Variants in SEMA3G observed in about 807,000 individuals in gnomAD.
SEMA3G encodes the protein semaphorin-3G.
SEMA3G carries 70 observed loss-of-function variants against 86.2 expected under a neutral mutation model. The observed-to-expected ratio is 0.81, with a 90% CI of 0.67 to 0.99. The LOEUF is 0.99. Ranked by LOEUF, SEMA3G falls within the 50% of genes least tolerant of loss-of-function variation. The pLI, the probability that SEMA3G is intolerant of heterozygous loss-of-function variation, is 0.00. For synonymous variants in SEMA3G, 416 were observed against 441.4 expected (o/e 0.94, Z 0.72); for missense variants, 1,002 against 1,072.4 (o/e 0.93, Z 0.92).
At position 52,438,089 on chromosome 3, in the gene SEMA3G, A is replaced by G; in HGVS notation, c.1620T>C (p.Cys540=). 3 of 1,613,260 alleles carry G rather than the reference A, an allele frequency of 1.9e-6. No homozygotes were observed. The highest frequency in any genetic ancestry group is 2.5e-6 in the Non-Finnish European group (3 of 1,180,014). ...AECCLARDPY[C]AWDGASCTHY... ...GGGTACAGGAGGCACCATCCCAGGC[A>G]CAGTATGGGTCCCGGGCCAGGCAGC... The change falls in exon 14 of 16, where the codon TGT becomes TGC. Residue 540 remains cysteine (C), a synonymous_variant. Transcript: ENST00000231721.
rs1258092900 is a variant in SEMA3G at position 52,437,535 on chromosome 3, G to A, written c.1870C>T (p.Pro624Ser). ...WLLQRPGDEG[P>S]DQVKTDERVL... ...GGGGTCTCCTCACTCACCTGGTCAG[G>A]CCCCTCATCCCCTGGCCTCTGCAAG... The change falls in exon 15 of 16, where the codon CCT becomes TCT. Residue 624 changes from proline to serine, a missense_variant. By Grantham distance (74) the Pro-to-Ser change is moderately conservative. Transcript: ENST00000231721. 1.2e-6 allele frequency: 2 copies of A among 1,612,456 alleles called. No individual in the cohort carries two copies. Among genetic ancestry groups the A allele is most frequent in the African/African-American group, 1.3e-5 (1 of 74,992 alleles).
rs1706003161 is a variant in SEMA3G, at chr3:52,434,290, A to G, written c.*1313T>C. ...GCCTGAGAAACTGGTGATGGCAAAAACACCTCCCCTACATGCCCAGGCAGA... is the reference window on the plus strand; with the variant it reads ...GCCTGAGAAACTGGTGATGGCAAAAGCACCTCCCCTACATGCCCAGGCAGA... On this transcript the variant is annotated 3_prime_UTR_variant, in exon 16 of 16. Transcript: ENST00000231721. The surrounding 1 kb of genome is among the most constrained non-coding windows in gnomAD (Gnocchi z 5.2). The G allele has an allele frequency of 6.6e-6, 1 of 151,600 alleles. No individual in the cohort carries two copies. Among genetic ancestry groups the G allele is most frequent in the Admixed American group, 6.6e-5 (1 of 15,228 alleles). 9.4% of individuals were successfully genotyped at this position (151,600 alleles called of 1,614,324 possible). A position where few individuals can be genotyped will look rare whatever the true frequency, so the allele number is the denominator to read the frequency against.
chr3:52,440,152 T>C (rs183025158), intron 10 of SEMA3G, 54 bp from the exon 11 acceptor site: 2 of 1,409,580 alleles, frequency 1.4e-6, no homozygotes, highest in Non-Finnish European at 1.9e-6. Context: ...GCACACACCC[T>C]CCACCGCCAG....
chr3:52,444,438 CCAAACAGGGCACACGCACA>C (rs1399243670), intron 1 of SEMA3G, among the ~76,000 whole-genome samples: 16 of 151,864 alleles, frequency 1.1e-4, no homozygotes, highest in African/African-American at 2.2e-4. Flanking sequence ...CCCAAGCCAC[CCAAACAGGGCACACGCACA>C]CAAACAGGGC....
intron 11 of SEMA3G, 29 bp downstream of exon 11, chr3:52,439,838 G>C (rs776836733): frequency 1.9e-6 from 3 of 1,610,994 alleles, no homozygotes; most frequent in African/African-American, 1.3e-5. Context: ...CCCCTCTCCA[G>C]CCTGGCCACC....
chr3:52,441,238 C>A (rs781083882), intron 7 of SEMA3G, 26 bp downstream of exon 7: 17 of 1,607,548 alleles, frequency 1.1e-5, no homozygotes, highest in East Asian at 6.7e-5. Context: ...GGGACTTGAA[C>A]CTCACCACCC....
In SEMA3G at chr3:52,440,991, T is replaced by C. The variant is rs759664012; in HGVS notation, c.871A>G (p.Arg291Gly). ...VNKWSTFLKARLVCSVPGPGG... is the reference protein window; with the variant it reads ...VNKWSTFLKAGLVCSVPGPGG... ...GGGCCGGGCACCGAGCAGACCAGCCTGGCCTTGAGGAAAGTGCTCCATTTG... is the reference window on the plus strand; with the variant it reads ...GGGCCGGGCACCGAGCAGACCAGCCCGGCCTTGAGGAAAGTGCTCCATTTG... The change falls in exon 8 of 16, where the codon AGG becomes GGG. Residue 291 changes from arginine to glycine, a missense_variant. Arg to Gly is a moderately radical substitution (Grantham distance 125, BLOSUM62 -2). Coordinates refer to ENST00000231721, the MANE Select transcript of SEMA3G (RefSeq NM_020163.3). The C allele has an allele frequency of 3.1e-6, 5 of 1,606,356 alleles. No homozygotes were observed. The highest frequency in any genetic ancestry group is 4.2e-6 in the Non-Finnish European group (5 of 1,179,592).
rs1706009085 is a variant in SEMA3G, at chr3:52,434,651, C to G, written c.*952G>C. The G allele has an allele frequency of 6.6e-6, 1 of 152,274 alleles. No homozygotes were observed. Among genetic ancestry groups the G allele is most frequent in the Non-Finnish European group, 1.5e-5 (1 of 68,088 alleles). The allele number at this position is 152,274 out of a possible 1,614,324, so 9.4% of individuals were successfully genotyped here. ...CAGGGCTCACAGAGCCTCCACATTC[C>G]CAGCCTCCAGGGCTGCGGCATGCTT... is the stretch of plus-strand genomic sequence containing the variant. On this transcript the variant is annotated 3_prime_UTR_variant, in exon 16 of 16. Transcript: ENST00000231721. The surrounding 1 kb of genome is among the most constrained non-coding windows in gnomAD (Gnocchi z 5.2).
In SEMA3G at chr3:52,441,852, C is replaced by G. The variant is rs943779172; in HGVS notation, c.517G>C (p.Glu173Gln). Residue 173 changes from glutamate to glutamine, a missense_variant, in exon 5 of 16, where the codon GAG becomes CAG. Glu to Gln is a conservative substitution (Grantham distance 29, BLOSUM62 2). Transcript: ENST00000231721. ...VESGRGRCPH[E>Q]PSRPFASTFI... ...GTGCTGGCAAAGGGACGGCTGGGCT[C>G]GTGAGGGCACCGCCCCCGGCCACTT... 1 of 1,600,398 alleles carries G rather than the reference C, an allele frequency of 6.2e-7. No individual in the cohort carries two copies. The highest frequency in any genetic ancestry group is 1.3e-5 in the African/African-American group (1 of 74,946).
At position 52,435,549 on chromosome 3, in the gene SEMA3G, G is replaced by C; in HGVS notation, c.*54C>G. ...CTAGCTGGGTGGGTGGGAGATGCTGGGGGCTGCTAGTGGGCCCCCCAGCCC... is the reference window on the plus strand; with the variant it reads ...CTAGCTGGGTGGGTGGGAGATGCTGCGGGCTGCTAGTGGGCCCCCCAGCCC... On this transcript the variant is annotated 3_prime_UTR_variant, in exon 16 of 16. Coordinates refer to ENST00000231721, the MANE Select transcript of SEMA3G (RefSeq NM_020163.3). 6.5e-7 allele frequency: 1 copy of C among 1,532,652 alleles called. No homozygotes were observed. Among genetic ancestry groups the C allele is most frequent in the East Asian group, 2.3e-5 (1 of 44,298 alleles). The allele number at this position is 1,532,652 out of a possible 1,614,324, so 94.9% of individuals were successfully genotyped here.
Position 52,440,933 on chromosome 3 carries a change from C to T in SEMA3G, c.928+1G>A, listed in dbSNP as rs563123638. The T allele has an allele frequency of 1.9e-5, 30 of 1,603,640 alleles. 1 individual carries two copies. The South Asian group carries it at 2.8e-4, about 15-fold the overall frequency. ...CTAGGCCTGCTTGGCCAGGCCCTCA[C>T]CTAGCTGGTCAAAGTGGGTCTCGGC... On this transcript the variant is annotated splice_donor_variant, in intron 8 of 15. Transcript: ENST00000231721. LOFTEE classifies it high-confidence loss of function.
In SEMA3G at chr3:52,440,992, G is replaced by C; in HGVS notation, c.870C>G (p.Ala290=). 6.2e-7 allele frequency: 1 copy of C among 1,606,154 alleles called. No homozygotes were observed. Among genetic ancestry groups the C allele is most frequent in the Non-Finnish European group, 8.5e-7 (1 of 1,179,586 alleles). ...LVNKWSTFLK[A]RLVCSVPGPG... is the part of the protein sequence containing the mutation. ...GGCCGGGCACCGAGCAGACCAGCCT[G>C]GCCTTGAGGAAAGTGCTCCATTTGT... The change falls in exon 8 of 16, where the codon GCC becomes GCG. Residue 290 remains alanine, a synonymous_variant. Transcript: ENST00000231721.
chr3:52,443,118 C>T, intron 1 of SEMA3G: 2 of 1,377,080 alleles, frequency 1.5e-6, no homozygotes, highest in African/African-American at 1.4e-5. Flanking sequence ...CTGGCCCAGC[C>T]TACCCTGGGG....
rs1008455227 is a variant in SEMA3G, at chr3:52,445,092, C to T, written c.-65G>A. On this transcript the variant is annotated 5_prime_UTR_variant, in exon 1 of 16. Coordinates refer to ENST00000231721, the MANE Select transcript of SEMA3G (RefSeq NM_020163.3). ...GCCGCCCTCTGGTCCCGCTGGCCGC[C>T]GGTTGTAGTTTGCTCTGCTGCCACC... The T allele has an allele frequency of 1.2e-5, 15 of 1,251,288 alleles. No individual in the cohort carries two copies. Among genetic ancestry groups the T allele is most frequent in the Middle Eastern group, 3.1e-4 (1 of 3,262 alleles). The allele number at this position is 1,251,288 out of a possible 1,614,324, so 77.5% of individuals were successfully genotyped here.
chr3:52,441,745 G>A (rs981944736), intron 5 of SEMA3G, 55 bp from the exon 6 acceptor site: 28 of 1,589,768 alleles, frequency 1.8e-5, no homozygotes, highest in African/African-American at 4.0e-5. Context: ...CCCAGCAGCC[G>A]GGTCCCTCCC....
chr3:52,444,894 G>A lies in SEMA3G; in HGVS notation c.115+19C>T. The stretch of plus-strand genomic sequence containing the variant: ...AAACAGGGCACATGCACACAAACAG[G>A]GCACGCAGGGGCTGGTACCTCGGTA... On this transcript the variant is annotated intron_variant, in intron 1 of 15. Transcript: ENST00000231721. 7.7e-7 allele frequency: 1 copy of A among 1,302,222 alleles called. No individual in the cohort carries two copies. The allele number at this position is 1,302,222 out of a possible 1,614,324, so 80.7% of individuals were successfully genotyped here. A position where few individuals can be genotyped will look rare whatever the true frequency, so the allele number is the denominator to read the frequency against.
chr3:52,440,714 C>T lies in SEMA3G; in HGVS notation c.998+40G>A, dbSNP rs912503222. 40 of 1,580,042 alleles carry T rather than the reference C, an allele frequency of 2.5e-5. No individual in the cohort carries two copies. The Admixed American group carries it at 3.9e-4, about 16-fold the overall frequency. ...CAGGTCACCGAATCAGGGACAAAGACAGGGGCCCATCGCAAGGCCGGGGTG... is the reference window on the plus strand; with the variant it reads ...CAGGTCACCGAATCAGGGACAAAGATAGGGGCCCATCGCAAGGCCGGGGTG... On this transcript the variant is annotated intron_variant, in intron 9 of 15. Coordinates refer to ENST00000231721, the MANE Select transcript of SEMA3G (RefSeq NM_020163.3).
intron 15 of SEMA3G, among the ~76,000 whole-genome samples, chr3:52,436,913 C>T (rs1578255175): frequency 6.6e-6 from 1 of 152,240 alleles, no homozygotes; most frequent in East Asian, 1.9e-4. Flanking sequence ...CAATCCACTC[C>T]TGCCCCTCCC....
In SEMA3G at chr3:52,435,847, G is replaced by T. The variant is rs750442070; in HGVS notation, c.2105C>A (p.Pro702Gln). The change falls in exon 16 of 16, where the codon CCA becomes CAA. Residue 702 changes from proline to glutamine, a missense_variant. Transcript: ENST00000231721. Reference protein sequence around the residue: ...PPARGGLASTPPKAWYKDILQ... With the variant: ...PPARGGLASTQPKAWYKDILQ... ...GATGTCCTTGTACCAGGCCTTGGGT[G>T]GGGTGGAAGCCAGGCCTCCCCGGGC... is the stretch of plus-strand genomic sequence containing the variant. 2 of 1,614,106 alleles carry T rather than the reference G, an allele frequency of 1.2e-6. No individual in the cohort carries two copies. Among genetic ancestry groups the T allele is most frequent in the Non-Finnish European group, 1.7e-6 (2 of 1,180,028 alleles).
Sources: allele counts gnomAD v4.1 joint callset (sites outside exome capture counted in the v4.1 genomes callset), GRCh38; gene constraint gnomAD v4.1.1; non-coding constraint Gnocchi (gnomAD v3.1); transcripts MANE v1.5; gene names NCBI Gene and HGNC (gene_info 2026-07-23, HGNC 2026-07-21).